The following DUOX1 variants were observed in gnomAD, a reference collection of about 807,000 sequenced individuals.
DUOX1 encodes the protein dual oxidase 1, also known as NADPH thyroid oxidase 1.
Under a neutral mutation model 181.8 loss-of-function variants are expected in DUOX1, and 134 were observed. The ratio of observed to expected loss-of-function variants is 0.74; its 90% CI spans 0.64 to 0.85. The LOEUF is 0.85. Among genes scored for constraint, DUOX1 ranks in the 40% least tolerant of loss-of-function variants. DUOX1 has a pLI of 0.00. For missense variants in DUOX1, 1,814 were observed against 2,064.4 expected (o/e 0.88, Z 2.35); for synonymous variants, 798 against 832.5 (o/e 0.96, Z 0.71).
Position 45,151,928 on chromosome 15 carries a change from A to G in DUOX1, c.3069A>G (p.Gln1023=), listed in dbSNP as rs751036061. ...LFTEAHREKF[Q]RSCLHQTVQQ... ...CTGAGGCGCACCGAGAGAAGTTCCA[A>G]CGCAGCTGTCTCCACCAGACGGTGC... is the stretch of plus-strand genomic sequence containing the variant. Residue 1023 remains glutamine, a synonymous_variant, in exon 24 of 34, where the codon CAA becomes CAG. Transcript: ENST00000389037. The G allele has an allele frequency of 4.6e-5, 74 of 1,613,926 alleles. 2 individuals carry two copies. The South Asian group carries it at 7.0e-4, about 15-fold the overall frequency.
In DUOX1 at chr15:45,165,504, G is replaced by A. The variant is rs1198863589; in HGVS notation, c.*603G>A. On this transcript the variant is annotated 3_prime_UTR_variant, in exon 34 of 34. Coordinates refer to ENST00000389037, the MANE Select transcript of DUOX1 (RefSeq NM_175940.3). Reference sequence around the variant, plus strand: ...CATCAGACCCTGGCCCAATACCTATGTATGCAATGCTCCTCAGCCCTCTTC... The same window carrying A: ...CATCAGACCCTGGCCCAATACCTATATATGCAATGCTCCTCAGCCCTCTTC... 1 of 152,944 alleles carries A rather than the reference G, an allele frequency of 6.5e-6. No individual in the cohort carries two copies. Among genetic ancestry groups the A allele is most frequent in the Non-Finnish European group, 1.5e-5 (1 of 68,436 alleles). 9.5% of individuals were successfully genotyped at this position (152,944 alleles called of 1,614,324 possible). A position where few individuals can be genotyped will look rare whatever the true frequency, so the allele number is the denominator to read the frequency against.
chr15:45,132,442 T>C (rs1896179272), intron 2 of DUOX1, among the ~76,000 whole-genome samples: 2 of 152,230 alleles, frequency 1.3e-5, no homozygotes, highest in African/African-American at 4.8e-5. Flanking sequence ...TTAAACATTA[T>C]GATGAAAAAC....
In DUOX1 at chr15:45,161,874, G is replaced by A. The variant is rs139578501; in HGVS notation, c.3993G>A (p.Thr1331=). 6.3e-5 allele frequency: 101 copies of A among 1,613,796 alleles called. 1 individual carries two copies. The African/African-American group carries it at 1.1e-3, about 17-fold the overall frequency. ...FTLTSAPHED[T]LSLHIRAAGP... is the part of the protein sequence containing the mutation. ...TGACCTCTGCGCCCCATGAGGACAC[G>A]CTTAGCCTGCACATCCGGGCAGCAG... Residue 1331 remains threonine (T), a synonymous_variant, in exon 30 of 34, where the codon ACG becomes ACA. Coordinates refer to ENST00000389037, the MANE Select transcript of DUOX1 (RefSeq NM_175940.3).
At chr15:45,134,540 G>A (rs1269175202) in intron 4 of DUOX1, among the ~76,000 whole-genome samples, 2 of 152,164 alleles carry the variant, frequency 1.3e-5, no homozygotes, top group African/African-American at 4.8e-5. Flanking sequence ...AAAGATGAGG[G>A]GTGGGGTTAG....
At chr15:45,149,080 A>C (rs780024954) in intron 21 of DUOX1, among the ~76,000 whole-genome samples, 11 of 152,196 alleles carry the variant, frequency 7.2e-5, no homozygotes, top group Non-Finnish European at 1.6e-4. Flanking sequence ...ATGGGCAAGC[A>C]GCAGGCAGGA....
chr15:45,147,762 GC>G, intron 19 of DUOX1, 104 bp downstream of exon 19: 3 of 1,564,184 alleles, frequency 1.9e-6, no homozygotes, highest in East Asian at 2.2e-5. Flanking sequence ...GCCCAGAAGT[GC>G]CCAGGCCGAG....
At chr15:45,148,047 G>T (rs1896700998) in intron 20 of DUOX1, 50 bp downstream of exon 20, 2 of 1,537,642 alleles carry the variant, frequency 1.3e-6, no homozygotes, top group East Asian at 2.2e-5. Flanking sequence ...GGGATGCCAG[G>T]GCAAATAGAT....
intron 2 of DUOX1, among the ~76,000 whole-genome samples, chr15:45,132,515 A>ATC (rs1475729911): frequency 2.0e-5 from 3 of 152,244 alleles, no homozygotes; most frequent in Non-Finnish European, 2.9e-5. Context: ...TCTTGCTGGA[A>ATC]TCTGAGGCTG....
chr15:45,163,755 C>T (rs1185943475), intron 32 of DUOX1, 35 bp from the exon 33 acceptor site: 2 of 1,613,646 alleles, frequency 1.2e-6, no homozygotes, highest in Non-Finnish European at 1.7e-6. Context: ...CTAGCTGTGC[C>T]TGGCTGAACT....
At chr15:45,162,051 T>C (rs200486293) in intron 30 of DUOX1, 81 bp downstream of exon 30, 4 of 1,471,706 alleles carry the variant, frequency 2.7e-6, no homozygotes, top group East Asian at 4.9e-5. Context: ...GACTCCCCGC[T>C]CTGTGCCTCC....
At position 45,152,011 on chromosome 15, in the gene DUOX1, T is replaced by C; in HGVS notation, c.3152T>C (p.Phe1051Ser). 1 of 1,614,132 alleles carries C rather than the reference T, an allele frequency of 6.2e-7. No individual in the cohort carries two copies. The highest frequency in any genetic ancestry group is 8.5e-7 in the Non-Finnish European group (1 of 1,180,010). Residue 1051 changes from phenylalanine (F) to serine (S), a missense_variant, in exon 24 of 34, where the codon TTC (phenylalanine) becomes TCC (serine). Phe to Ser is a radical substitution (Grantham distance 155, BLOSUM62 -2). This residue lies in a region of DUOX1 where 1,064 missense variants were observed against 1,152.9 expected (regional missense o/e 0.92). Transcript: ENST00000389037. ...CGCCACATCGGCTGCGTGGCCGTGT[T>C]CTACGCCATCGCTGGGGGGCTTTTC... ...YRRHIGCVAVFYAIAGGLFLE... is the reference protein window; with the variant it reads ...YRRHIGCVAVSYAIAGGLFLE...
intron 25 of DUOX1, 54 bp from the exon 26 acceptor site, chr15:45,153,326 T>A: frequency 6.8e-7 from 1 of 1,471,090 alleles, no homozygotes; most frequent in Non-Finnish European, 9.5e-7. Context: ...GCTGAATGAG[T>A]GAGCACCCAC....
At chr15:45,144,334 TA>T in intron 17 of DUOX1, 99 bp downstream of exon 17, 1 of 1,302,348 alleles carries the variant, frequency 7.7e-7, no homozygotes, top group Non-Finnish European at 1.1e-6. Flanking sequence ...CAGGAAATGA[TA>T]GTTACTGTGC....
At chr15:45,161,616 T>TGG (rs1897105426) in intron 29 of DUOX1, 122 bp from the exon 30 acceptor site, 1 of 863,730 alleles carries the variant, frequency 1.2e-6, no homozygotes, top group African/African-American at 1.7e-5. Context: ...GAGCTTCTGA[T>TGG]GGGGGAGGCC....
Position 45,160,986 on chromosome 15 carries a change from C to G in DUOX1, c.3852C>G (p.Pro1284=). The G allele has an allele frequency of 2.5e-6, 4 of 1,614,114 alleles. No individual in the cohort carries two copies. The highest frequency in any genetic ancestry group is 3.4e-6 in the Non-Finnish European group (4 of 1,180,014). ...EISVVKAELL[P]SGVTHLRFQR... ...GCGTGGTGAAGGCGGAGCTGCTGCCCTCAGGTACCAGCCTGGCAGGAGATC... is the reference window on the plus strand; with the variant it reads ...GCGTGGTGAAGGCGGAGCTGCTGCCGTCAGGTACCAGCCTGGCAGGAGATC... Residue 1284 remains proline (P), a synonymous_variant, in exon 29 of 34, where the codon CCC becomes CCG. Transcript: ENST00000389037.
chr15:45,158,225 T>C (rs1400971782), intron 28 of DUOX1, among the ~76,000 whole-genome samples: 2 of 152,190 alleles, frequency 1.3e-5, no homozygotes, highest in Admixed American at 6.5e-5. Context: ...CTCAGCCTGT[T>C]TGGATGCTCA....
rs979173237 is a variant in DUOX1 at position 45,164,722 on chromosome 15, T to G, written c.4534-57T>G. The G allele has an allele frequency of 4.3e-6, 7 of 1,609,234 alleles. No homozygotes were observed. In the African/African-American group the frequency reaches 9.4e-5, roughly 22 times the overall value. Reference sequence around the variant, plus strand: ...GGGAGCTACCCCTTCCTCTGAACACTGCGTTATCCCTGCCTCTGAGCAAAG... The same window carrying G: ...GGGAGCTACCCCTTCCTCTGAACACGGCGTTATCCCTGCCTCTGAGCAAAG... On this transcript the variant is annotated intron_variant, in intron 33 of 33. Transcript: ENST00000389037.
At chr15:45,151,305 A>G (rs1896795807) in intron 23 of DUOX1, 57 bp downstream of exon 23, 17 of 1,587,866 alleles carry the variant, frequency 1.1e-5, no homozygotes, top group African/African-American at 1.3e-5. Context: ...CAGCTTATAA[A>G]CATCTTTTCC....
chr15:45,163,751 G>C, intron 32 of DUOX1, 39 bp from the exon 33 acceptor site: 1 of 1,613,644 alleles, frequency 6.2e-7, no homozygotes, highest in Non-Finnish European at 8.5e-7. Context: ...GACCCTAGCT[G>C]TGCCTGGCTG....
Sources: gnomAD v4.1 joint callset for allele counts (sites outside exome capture counted in the v4.1 genomes callset) on GRCh38, gnomAD v4.1.1 for gene constraint, gnomAD v4.1.1 regional missense constraint, MANE v1.5 for transcripts, NCBI Gene and HGNC (gene_info 2026-07-23, HGNC 2026-07-21) for gene names.